GCSAML: variants seen among roughly 807,000 people sequenced by gnomAD.
GCSAML encodes the protein germinal center associated signaling and motility like, also known as germinal center-associated signaling and motility-like protein.
In GCSAML, 9 loss-of-function variants were observed where a neutral mutation model predicts 13.0. The observed-to-expected ratio is 0.69, with a 90% CI of 0.42 to 1.21. The LOEUF is 1.21. Among genes scored for constraint, GCSAML ranks in the 50% most tolerant of loss-of-function variants. The probability of loss-of-function intolerance (pLI) is 0.00; values close to 1 mark genes in which losing one functional copy is unlikely to be tolerated. For synonymous variants in GCSAML, 37 were observed against 52.9 expected (o/e 0.70, Z 1.31); for missense variants, 143 against 153.4 (o/e 0.93, Z 0.36).
chr1:247,574,421 C>T lies in GCSAML; in HGVS notation c.*39C>T, dbSNP rs1485151435. The T allele has an allele frequency of 1.2e-6, 2 of 1,607,076 alleles. No homozygotes were observed. The highest frequency in any genetic ancestry group is 1.7e-5 in the Admixed American group (1 of 59,746). On this transcript the variant is annotated 3_prime_UTR_variant, in exon 5 of 5. Coordinates refer to ENST00000366488, the MANE Select transcript of GCSAML (RefSeq NM_145278.5). The stretch of plus-strand genomic sequence containing the variant: ...CTTTATCACCTTCCAGCAATGAAGA[C>T]AATGCAGAATAGCAGACTCTGGCGA...
chr1:247,566,238 T>TTTTA (rs1000103261), intron 4 of GCSAML, among the ~76,000 whole-genome samples: 1 of 152,056 alleles, frequency 6.6e-6, no homozygotes, highest in Non-Finnish European at 1.5e-5. Flanking sequence ...TGAAGTCTAA[T>TTTTA]TTTATTTATT....
intron 2 of GCSAML, among the ~76,000 whole-genome samples, chr1:247,559,669 GC>G (rs1338603081): frequency 6.6e-6 from 1 of 152,088 alleles, no homozygotes; most frequent in Non-Finnish European, 1.5e-5. Context: ...AGACTGGGTG[GC>G]TTAAAGAACC....
chr1:247,519,663 A>G (rs1242086340), intron 1 of GCSAML, among the ~76,000 whole-genome samples: 1 of 152,250 alleles, frequency 6.6e-6, no homozygotes, highest in Non-Finnish European at 1.5e-5. Context: ...TTCACAGAGG[A>G]CTATGCATGG....
chr1:247,560,319 T>C, intron 2 of GCSAML, among the ~76,000 whole-genome samples: 1 of 152,234 alleles, frequency 6.6e-6, no homozygotes, highest in East Asian at 1.9e-4. Context: ...CCTAAAGACC[T>C]CGTAGGTTTT....
chr1:247,563,881 T>A (rs946794468), intron 3 of GCSAML, among the ~76,000 whole-genome samples: 5 of 152,170 alleles, frequency 3.3e-5, no homozygotes, highest in Admixed American at 3.3e-4. Flanking sequence ...CTGTTTTTAA[T>A]TTGTATATTG....
chr1:247,569,632 A>G (rs567163301), intron 4 of GCSAML, among the ~76,000 whole-genome samples: 1 of 152,312 alleles, frequency 6.6e-6, no homozygotes, highest in Admixed American at 6.5e-5. Flanking sequence ...GGATGTTCGC[A>G]TTGATGTTCA....
chr1:247,574,280 T>C lies in GCSAML; in HGVS notation c.306T>C (p.Phe102=), dbSNP rs762934016. ...IDSLTRKVRQ[F]RERSETEYAL... is the part of the protein sequence containing the mutation. ...CCCTCACAAGGAAAGTGAGACAGTT[T>C]AGAGAAAGGTCAGAGACAGAATATG... Residue 102 remains phenylalanine (F), a synonymous_variant, in exon 5 of 5, where the codon TTT becomes TTC. Transcript: ENST00000366488. 1.3e-4 allele frequency: 207 copies of C among 1,613,990 alleles called. No homozygotes were observed. Among genetic ancestry groups the C allele is most frequent in the Non-Finnish European group, 1.7e-4 (199 of 1,180,010 alleles).
chr1:247,573,165 T>C (rs1472613453), intron 4 of GCSAML, among the ~76,000 whole-genome samples: 1 of 152,060 alleles, frequency 6.6e-6, no homozygotes, highest in African/African-American at 2.4e-5. Context: ...CAGCCCCTTT[T>C]CCAGGGGAGT....
chr1:247,549,488 A>G (rs1667695554), intron 1 of GCSAML, among the ~76,000 whole-genome samples: 1 of 151,946 alleles, frequency 6.6e-6, no homozygotes, highest in South Asian at 2.1e-4. Flanking sequence ...TTTTTTTAGT[A>G]TGAATGTGCC....
In GCSAML at chr1:247,527,891, C is replaced by G. The variant is rs910276806; in HGVS notation, c.-148+837C>G. On this transcript the variant is annotated intron_variant, in intron 2 of 5. Transcript: ENST00000366489. This position sits in a 1 kb window ranked among gnomAD's most constrained non-coding sequence, Gnocchi z 4.6. ...TTTAACAAATCTCTTCTCATTCCCCCACCCCTGCTATCCATTCCCAGCCTC... is the reference window on the plus strand; with the variant it reads ...TTTAACAAATCTCTTCTCATTCCCCGACCCCTGCTATCCATTCCCAGCCTC... 6 of 152,294 alleles carry G rather than the reference C, an allele frequency of 3.9e-5. No homozygotes were observed. In the East Asian group the frequency reaches 9.6e-4, roughly 24 times the overall value. The allele number at this position is 152,294 out of a possible 1,614,324, so 9.4% of individuals were successfully genotyped here.
chr1:247,546,802 C>T (rs1168635041), upstream of GCSAML, among the ~76,000 whole-genome samples: 1 of 151,810 alleles, frequency 6.6e-6, no homozygotes, highest in Admixed American at 6.6e-5. Flanking sequence ...CCAGAATTCA[C>T]AAGGGGGCTG....
intron 2 of GCSAML, chr1:247,532,389 C>A: frequency 6.2e-7 from 1 of 1,614,080 alleles, no homozygotes; most frequent in Non-Finnish European, 8.5e-7. Flanking sequence ...TGCCATTGCC[C>A]AAGATCGATA....
chr1:247,522,674 C>T (rs1329761891), intron 1 of GCSAML, among the ~76,000 whole-genome samples: 1 of 152,128 alleles, frequency 6.6e-6, no homozygotes, highest in Non-Finnish European at 1.5e-5. Context: ...GGATTAAGGG[C>T]GGTGCAAGAT....
chr1:247,519,900 CATGGG>C (rs1244997502), intron 1 of GCSAML, among the ~76,000 whole-genome samples: 1 of 152,110 alleles, frequency 6.6e-6, no homozygotes, highest in Non-Finnish European at 1.5e-5. Flanking sequence ...AGCTGCTTAG[CATGGG>C]AGAGTTTGCC....
chr1:247,536,696 T>C (rs1195907281), intron 2 of GCSAML, among the ~76,000 whole-genome samples: 1 of 152,204 alleles, frequency 6.6e-6, no homozygotes, highest in Non-Finnish European at 1.5e-5. Flanking sequence ...TTCATTGTAT[T>C]ACACACACAG....
upstream of GCSAML, among the ~76,000 whole-genome samples, chr1:247,546,140 T>G (rs1046751934): frequency 1.3e-5 from 2 of 148,438 alleles, no homozygotes; most frequent in African/African-American, 2.5e-5. Context: ...AAGAAAGAAA[T>G]AAATTTTTGT....
At chr1:247,569,433 C>T (rs925533075) in intron 4 of GCSAML, among the ~76,000 whole-genome samples, 2 of 152,114 alleles carry the variant, frequency 1.3e-5, no homozygotes, top group Admixed American at 1.3e-4. Flanking sequence ...TAAATTTTAT[C>T]GAAGGCCTTT....
chr1:247,564,925 C>T (rs1668280332), intron 3 of GCSAML, among the ~76,000 whole-genome samples: 2 of 152,140 alleles, frequency 1.3e-5, no homozygotes, highest in Admixed American at 6.6e-5. Context: ...TGTAAAACAA[C>T]CTAGGCAATA....
At chr1:247,549,005 T>TC (rs551678803), upstream of GCSAML, 4,084 of 1,515,812 alleles carry the variant, frequency 2.7e-3, 26 homozygotes, top group Non-Finnish European at 2.4e-3. Context: ...CCTTTCTGCC[T>TC]CCCCTTTCGA....
Sources: gnomAD v4.1 joint callset for allele counts (sites outside exome capture counted in the v4.1 genomes callset) on GRCh38, gnomAD v4.1.1 for gene constraint, Gnocchi (gnomAD v3.1) non-coding constraint, MANE v1.5 for transcripts, NCBI Gene and HGNC (gene_info 2026-07-23, HGNC 2026-07-21) for gene names.